Variants in ORMDL1 observed in about 807,000 individuals in gnomAD.
ORMDL1 encodes the protein ORMDL sphingolipid biosynthesis regulator 1.
A neutral mutation model predicts 13.0 loss-of-function variants in ORMDL1; 10 were observed. The observed-to-expected ratio is 0.77, with a 90% CI of 0.47 to 1.30. The LOEUF (loss-of-function observed/expected upper bound fraction) is 1.30. Ranked by LOEUF, ORMDL1 falls within the 50% of genes most tolerant of loss-of-function variation. The pLI is 0.00. For missense variants in ORMDL1, 171 were observed against 186.7 expected (o/e 0.92, Z 0.49); for synonymous variants, 61 against 63.9 (o/e 0.95, Z 0.22).
chr2:189,781,876 C>A (rs1369419904), intron 3 of ORMDL1, among the ~76,000 whole-genome samples: 1 of 151,528 alleles, frequency 6.6e-6, no homozygotes, highest in African/African-American at 2.4e-5. Context: ...TTGTATACAA[C>A]ACAAAACCTT....
intron 3 of ORMDL1, chr2:189,778,424 CA>C (rs1559189697): frequency 2.2e-6 from 1 of 455,574 alleles, no homozygotes; most frequent in Admixed American, 2.4e-5. Flanking sequence ...ATTCGGCAAA[CA>C]TTTAAATACG....
At chr2:189,773,101 T>A (rs539280207) in intron 4 of ORMDL1, among the ~76,000 whole-genome samples, 2 of 152,362 alleles carry the variant, frequency 1.3e-5, no homozygotes, top group African/African-American at 4.8e-5. Flanking sequence ...TCATTACAGG[T>A]TGAATCTATA....
intron 4 of ORMDL1, among the ~76,000 whole-genome samples, chr2:189,772,975 C>T (rs2106141802): frequency 6.6e-6 from 1 of 152,306 alleles, no homozygotes. Flanking sequence ...CCATATTCCT[C>T]AATTCTGAAA....
At chr2:189,778,389 C>T (rs559246093) in intron 3 of ORMDL1, 102 of 451,970 alleles carry the variant, frequency 2.3e-4, no homozygotes, top group African/African-American at 1.8e-3. Flanking sequence ...AGTGAAACTC[C>T]GTCTCAAAAA....
the ORMDL1 span, chr2:189,764,813 T>C: frequency 6.6e-6 from 1 of 152,024 alleles, no homozygotes; most frequent in South Asian, 2.1e-4. Context: ...TTAATACATA[T>C]TATATATTAA....
chr2:189,767,827 C>CT (rs575938439), downstream of ORMDL1, among the ~76,000 whole-genome samples: 388 of 152,274 alleles, frequency 2.5e-3, 2 homozygotes, highest in East Asian at 2.7e-3. Context: ...GAAAACCCAA[C>CT]TTTTTTTACT....
At chr2:189,774,420 G>C (rs918803032) in intron 4 of ORMDL1, among the ~76,000 whole-genome samples, 1 of 152,170 alleles carries the variant, frequency 6.6e-6, no homozygotes, top group Non-Finnish European at 1.5e-5. Flanking sequence ...TTTATGATCA[G>C]TTTATTCCTT....
intron 4 of ORMDL1, among the ~76,000 whole-genome samples, chr2:189,773,717 T>G (rs2047629795): frequency 2.1e-3 from 1 of 468 alleles, no homozygotes; most frequent in South Asian, 0.17. Flanking sequence ...GCAAGACTCT[T>G]GTCTCAAAAA....
chr2:189,771,979 G>GA (rs1402537016), intron 4 of ORMDL1, 77 bp from the exon 5 acceptor site: 4 of 1,120,884 alleles, frequency 3.6e-6, no homozygotes, highest in Non-Finnish European at 4.8e-6. Flanking sequence ...TTTAAAGGTA[G>GA]AAAAAAAGGC....
chr2:189,772,524 T>A (rs1267906110), intron 4 of ORMDL1, among the ~76,000 whole-genome samples: 1 of 152,202 alleles, frequency 6.6e-6, no homozygotes, highest in Non-Finnish European at 1.5e-5. Flanking sequence ...GATATCCAAC[T>A]GAGAATTTGT....
At chr2:189,773,403 C>T (rs1046818957) in intron 4 of ORMDL1, among the ~76,000 whole-genome samples, 1 of 152,114 alleles carries the variant, frequency 6.6e-6, no homozygotes, top group African/African-American at 2.4e-5. Context: ...AGATCTTCAA[C>T]AAGGTAATGC....
At chr2:189,781,381 G>A (rs2106156704) in intron 3 of ORMDL1, among the ~76,000 whole-genome samples, 1 of 152,062 alleles carries the variant, frequency 6.6e-6, no homozygotes, top group Admixed American at 6.5e-5. Flanking sequence ...TTACTTTAAT[G>A]GGTTATTAAA....
chr2:189,780,693 G>A (rs561057503), intron 3 of ORMDL1, among the ~76,000 whole-genome samples: 4 of 152,098 alleles, frequency 2.6e-5, no homozygotes, highest in Non-Finnish European at 5.9e-5. Flanking sequence ...AATATATGCC[G>A]GTGAAAGTGA....
In ORMDL1 at chr2:189,784,331, T is replaced by C. The variant is rs966043348; in HGVS notation, c.-180A>G. The C allele has an allele frequency of 2.6e-5, 4 of 152,334 alleles. No homozygotes were observed. Among genetic ancestry groups the C allele is most frequent in the Non-Finnish European group, 4.4e-5 (3 of 68,134 alleles). 9.4% of individuals were successfully genotyped at this position (152,334 alleles called of 1,614,324 possible). A position where few individuals can be genotyped will look rare whatever the true frequency, so the allele number is the denominator to read the frequency against. ...CCAGCCCGGCTGCTACGGCCGCGGA[T>C]ACACGCCCTCAGGCCCGGCGCTGCG... On this transcript the variant is annotated 5_prime_UTR_variant, in exon 1 of 5. Coordinates refer to ENST00000392349, the MANE Select transcript of ORMDL1 (RefSeq NM_016467.5).
chr2:189,778,443 C>G (rs112420344), intron 3 of ORMDL1: 1 of 455,602 alleles, frequency 2.2e-6, no homozygotes, highest in Non-Finnish European at 4.4e-6. Flanking sequence ...ACGTTCTTAG[C>G]GATACAAAAA....
At chr2:189,778,738 T>C (rs528913534) in intron 3 of ORMDL1, among the ~76,000 whole-genome samples, 4 of 151,978 alleles carry the variant, frequency 2.6e-5, no homozygotes, top group African/African-American at 9.6e-5. Flanking sequence ...GTACTAAAAA[T>C]ACAAAAATTA....
chr2:189,769,073 A>C (rs1249062851), downstream of ORMDL1, among the ~76,000 whole-genome samples: 1 of 152,116 alleles, frequency 6.6e-6, no homozygotes, highest in Admixed American at 6.5e-5. Flanking sequence ...GAAGGGTGGT[A>C]ATTAATAAAG....
In ORMDL1 at chr2:189,782,601, C is replaced by G. The variant is rs768419585; in HGVS notation, c.-6G>C. ...TGGGCAACTCCAACGTTCATGTTTG[C>G]TCTGTAGGAAGTAATGAAATGAATC... On this transcript the variant is annotated splice_region_variant and 5_prime_UTR_variant, in exon 3 of 5. Transcript: ENST00000392349. 6 of 1,612,850 alleles carry G rather than the reference C, an allele frequency of 3.7e-6. No individual in the cohort carries two copies. The African/African-American group carries it at 8.0e-5, about 22-fold the overall frequency.
intron 3 of ORMDL1, among the ~76,000 whole-genome samples, chr2:189,779,464 G>A (rs2047774082): frequency 6.6e-6 from 1 of 152,254 alleles, no homozygotes; most frequent in Middle Eastern, 3.4e-3. Flanking sequence ...TAGTAGAAAA[G>A]CTTAAGCCAA....
Sources: gnomAD v4.1 joint callset for allele counts (sites outside exome capture counted in the v4.1 genomes callset) on GRCh38, gnomAD v4.1.1 for gene constraint, MANE v1.5 for transcripts, NCBI Gene and HGNC (gene_info 2026-07-23, HGNC 2026-07-21) for gene names.